The following MAFG variants were observed in gnomAD, a reference collection of about 807,000 sequenced individuals.
The protein encoded by MAFG is MAF bZIP transcription factor G.
In MAFG, 3 loss-of-function variants were observed where a neutral mutation model predicts 12.2. That is an observed-to-expected ratio of 0.25 (90% CI 0.11 to 0.64). The LOEUF is 0.64. Ranked by LOEUF, MAFG falls within the 30% of genes least tolerant of loss-of-function variation. The pLI is 0.85. For missense variants in MAFG, 153 were observed against 235.5 expected (o/e 0.65, Z 2.29); for synonymous variants, 126 against 109.1 (o/e 1.15, Z -0.96).
intron 1 of MAFG, among the ~76,000 whole-genome samples, chr17:81,925,043 C>T (rs1398735608): frequency 6.6e-6 from 1 of 152,338 alleles, no homozygotes; most frequent in East Asian, 1.9e-4. Context: ...GAGGGGCAGC[C>T]CTGAGCACAG....
chr17:81,926,508 C>G lies in MAFG; in HGVS notation c.-30+1020G>C, dbSNP rs559942314. Among the ~76,000 whole-genome samples the G allele has an allele frequency of 2.1e-3, 326 of 152,290 alleles. 3 individuals are homozygous for G. Among genetic ancestry groups the G allele is most frequent in the Admixed American group, 1.8e-3 (28 of 15,300 alleles). ...TGTCACCCAGGGCTTGGTACACACA[C>G]CCCTCTTTCTCCCAGGACCTCGATC... On this transcript the variant is annotated intron_variant, in intron 1 of 2. Transcript: ENST00000357736. The surrounding 1 kb of genome is among the most constrained non-coding windows in gnomAD (Gnocchi z 4.6).
rs531999981 is a variant in MAFG, at chr17:81,925,931, G to A, written c.-30+1597C>T. Among the ~76,000 whole-genome samples, 67 of 146,948 alleles carry A rather than the reference G, an allele frequency of 4.6e-4. 1 individual carries two copies. The highest frequency in any genetic ancestry group is 8.7e-4 in the South Asian group (4 of 4,580). On this transcript the variant is annotated intron_variant, in intron 1 of 2. Coordinates refer to ENST00000357736, the MANE Select transcript of MAFG (RefSeq NM_002359.4). Reference sequence around the variant, plus strand: ...GAAACATCTGGAATCTATAAGCCCCGGGGCTCACTGAGAGTGGACCTGTGT... The same window carrying A: ...GAAACATCTGGAATCTATAAGCCCCAGGGCTCACTGAGAGTGGACCTGTGT...
In MAFG at chr17:81,924,826, G is replaced by C. The variant is rs879425281; in HGVS notation, c.-29-1612C>G. On this transcript the variant is annotated intron_variant, in intron 1 of 2. Coordinates refer to ENST00000357736, the MANE Select transcript of MAFG (RefSeq NM_002359.4). The surrounding 1 kb of genome is among the most constrained non-coding windows in gnomAD (Gnocchi z 4.7). Reference sequence around the variant, plus strand: ...AGGGGCCCCCCAGCCTTGAGTGCAAGTCAGGGTGCAGAGACACTGCCCTGG... The same window carrying C: ...AGGGGCCCCCCAGCCTTGAGTGCAACTCAGGGTGCAGAGACACTGCCCTGG... Among the ~76,000 whole-genome samples, 1 of 152,246 alleles carries C rather than the reference G, an allele frequency of 6.6e-6. No homozygotes were observed. Among genetic ancestry groups the C allele is most frequent in the Non-Finnish European group, 1.5e-5 (1 of 68,044 alleles).
At position 81,922,594 on chromosome 17, in the gene MAFG, G is replaced by A. The variant is rs762094898; in HGVS notation, c.*11C>T. 2.1e-6 allele frequency: 3 copies of A among 1,452,176 alleles called. No homozygotes were observed. Among genetic ancestry groups the A allele is most frequent in the South Asian group, 1.5e-5 (1 of 66,302 alleles). 90.0% of individuals were successfully genotyped at this position (1,452,176 alleles called of 1,614,324 possible). A position where few individuals can be genotyped will look rare whatever the true frequency, so the allele number is the denominator to read the frequency against. On this transcript the variant is annotated 3_prime_UTR_variant, in exon 3 of 3. Transcript: ENST00000357736. ...GGCCCCGCAAAGACCCGCCTGGGCA[G>A]ACGCGCGTCCCTACGATCGGGCATC...
At chr17:81,927,264 G>A (rs146106281) in intron 1 of MAFG, among the ~76,000 whole-genome samples, 2,005 of 151,712 alleles carry the variant, frequency 0.013, 34 homozygotes, top group South Asian at 0.057. Context: ...CACTCGCCCG[G>A]CTCCGCGGGT....
chr17:81,923,531 G>A (rs1423057042), intron 1 of MAFG: 4 of 248,626 alleles, frequency 1.6e-5, no homozygotes, highest in Non-Finnish European at 2.3e-5. Flanking sequence ...AATAAGACGC[G>A]GGAGAGGCAG....
chr17:81,919,095 A>C lies in MAFG; in HGVS notation c.*3510T>G, dbSNP rs1179483607. 1 of 152,308 alleles carries C rather than the reference A, an allele frequency of 6.6e-6. No homozygotes were observed. The highest frequency in any genetic ancestry group is 6.5e-5 in the Admixed American group (1 of 15,288). The allele number at this position is 152,308 out of a possible 1,614,324, so 9.4% of individuals were successfully genotyped here. A position where few individuals can be genotyped will look rare whatever the true frequency, so the allele number is the denominator to read the frequency against. ...CTCCAAGGCCAGACAGCCAACAGGA[A>C]GGCAAAAATACACCAAAAAGAATTA... is the stretch of plus-strand genomic sequence containing the variant. On this transcript the variant is annotated 3_prime_UTR_variant, in exon 3 of 3. Transcript: ENST00000357736.
At chr17:81,923,513 T>A in intron 1 of MAFG, 1 of 288,674 alleles carries the variant, frequency 3.5e-6, no homozygotes, top group Non-Finnish European at 6.5e-6. Context: ...AGGGGAGAGA[T>A]TAGAAGGAAT....
chr17:81,925,688 G>T (rs565638386), intron 1 of MAFG, among the ~76,000 whole-genome samples: 48 of 151,428 alleles, frequency 3.2e-4, no homozygotes, highest in Non-Finnish European at 5.3e-4. Context: ...GGCGCCTGTA[G>T]TCCCAGCTAC....
intron 1 of MAFG, 32 bp from the exon 2 acceptor site, chr17:81,923,246 A>C: frequency 8.2e-6 from 7 of 853,092 alleles, no homozygotes; most frequent in Non-Finnish European, 1.1e-5. Flanking sequence ...AGTACCCTGG[A>C]GACCACCCTC....
At chr17:81,927,897 CG>C (rs1350939492), upstream of MAFG, 1 of 152,174 alleles carries the variant, frequency 6.6e-6, no homozygotes, top group Non-Finnish European at 1.5e-5. Flanking sequence ...GTCTCACGGG[CG>C]GGCCTGGGCG....
rs776605329 is a variant in MAFG, at chr17:81,925,643, C to T, written c.-30+1885G>A. Among the ~76,000 whole-genome samples, 110 of 152,062 alleles carry T rather than the reference C, an allele frequency of 7.2e-4. 2 individuals are homozygous for T. Among genetic ancestry groups the T allele is most frequent in the Non-Finnish European group, 1.1e-3 (75 of 67,976 alleles). ...CTAACACGGTGAAACCCCGTCTCTA[C>T]TAAAAATACAAAAAAATAGCCGGGC... is the stretch of plus-strand genomic sequence containing the variant. On this transcript the variant is annotated intron_variant, in intron 1 of 2. Transcript: ENST00000357736.
At chr17:81,927,051 C>A (rs1307361186) in intron 1 of MAFG, among the ~76,000 whole-genome samples, 4 of 151,948 alleles carry the variant, frequency 2.6e-5, no homozygotes, top group Non-Finnish European at 4.4e-5. Context: ...CCCCGCAGCA[C>A]CCCCATCGCC....
Position 81,922,226 on chromosome 17 carries a change from A to C in MAFG, c.*379T>G. 6.3e-6 allele frequency: 1 copy of C among 159,044 alleles called. No individual in the cohort carries two copies. The highest frequency in any genetic ancestry group is 2.0e-4 in the South Asian group (1 of 5,012). 9.9% of individuals were successfully genotyped at this position (159,044 alleles called of 1,614,324 possible). The stretch of plus-strand genomic sequence containing the variant: ...CTGTGGCCACTCGGGAGTGGAGGGA[A>C]CACTGGGACCCTCACTGCTCGGGGA... On this transcript the variant is annotated 3_prime_UTR_variant, in exon 3 of 3. Transcript: ENST00000357736.
upstream of MAFG, chr17:81,928,058 C>G (rs1380449489): frequency 6.6e-6 from 1 of 152,208 alleles, no homozygotes; most frequent in Non-Finnish European, 1.5e-5. This position sits in a 1 kb window ranked among gnomAD's most constrained non-coding sequence, Gnocchi z 8.1. Flanking sequence ...CAGCCTAGGG[C>G]AGGCTCTGCG....
chr17:81,922,591 G>A lies in MAFG; in HGVS notation c.*14C>T. ...AGTGGCCCCGCAAAGACCCGCCTGG[G>A]CAGACGCGCGTCCCTACGATCGGGC... On this transcript the variant is annotated 3_prime_UTR_variant, in exon 3 of 3. Transcript: ENST00000357736. The A allele has an allele frequency of 6.9e-7, 1 of 1,448,784 alleles. No individual in the cohort carries two copies. The highest frequency in any genetic ancestry group is 9.1e-7 in the Non-Finnish European group (1 of 1,102,414). 89.7% of individuals were successfully genotyped at this position (1,448,784 alleles called of 1,614,324 possible). A position where few individuals can be genotyped will look rare whatever the true frequency, so the allele number is the denominator to read the frequency against.
rs774801209 is a variant in MAFG at position 81,920,932 on chromosome 17, G to C, written c.*1673C>G. 6.6e-6 allele frequency: 1 copy of C among 152,422 alleles called. No individual in the cohort carries two copies. The highest frequency in any genetic ancestry group is 1.5e-5 in the Non-Finnish European group (1 of 68,200). 9.4% of individuals were successfully genotyped at this position (152,422 alleles called of 1,614,324 possible). A position where few individuals can be genotyped will look rare whatever the true frequency, so the allele number is the denominator to read the frequency against. On this transcript the variant is annotated 3_prime_UTR_variant, in exon 3 of 3. Coordinates refer to ENST00000357736, the MANE Select transcript of MAFG (RefSeq NM_002359.4). ...CATGGAAACACCTCAGGGATCAAGC[G>C]GGCGGCGAGACCTGCAGCCCACGGC...
Position 81,919,631 on chromosome 17 carries a change from C to T in MAFG, c.*2974G>A, listed in dbSNP as rs1440691067. The T allele has an allele frequency of 2.0e-5, 3 of 152,286 alleles. No homozygotes were observed. Among genetic ancestry groups the T allele is most frequent in the Non-Finnish European group, 2.9e-5 (2 of 68,066 alleles). The allele number at this position is 152,286 out of a possible 1,614,324, so 9.4% of individuals were successfully genotyped here. On this transcript the variant is annotated 3_prime_UTR_variant, in exon 3 of 3. Coordinates refer to ENST00000357736, the MANE Select transcript of MAFG (RefSeq NM_002359.4). ...CTGGCCTTGGCCAAAGCCCTCGATT[C>T]GCTGTGTCAGAAAAACTGAGGTGAG...
chr17:81,923,451 C>T (rs915278046), intron 1 of MAFG: 9 of 420,942 alleles, frequency 2.1e-5, no homozygotes, highest in South Asian at 5.4e-5. Context: ...GAAGGTCTGA[C>T]GGGAGAAGGG....
Sources: allele counts gnomAD v4.1 joint callset (sites outside exome capture counted in the v4.1 genomes callset), GRCh38; gene constraint gnomAD v4.1.1; non-coding constraint Gnocchi (gnomAD v3.1); transcripts MANE v1.5; gene names NCBI Gene and HGNC (gene_info 2026-07-23, HGNC 2026-07-21).